Variants in SGCZ observed in about 807,000 individuals in gnomAD.
SGCZ encodes the protein zeta-sarcoglycan.
Under a neutral mutation model 41.3 loss-of-function variants are expected in SGCZ, and 40 were observed. The ratio of observed to expected loss-of-function variants is 0.97; its 90% CI spans 0.75 to 1.26. The LOEUF is 1.26. Among genes scored for constraint, SGCZ ranks in the 50% most tolerant of loss-of-function variants. SGCZ has a pLI of 0.00. For missense variants in SGCZ, 552 were observed against 369.8 expected, an observed-to-expected ratio of 1.49 and a Z score of -4.04; for synonymous variants, 206 against 137.5, an observed-to-expected ratio of 1.50 and a Z score of -3.49.
chr8:15,133,005 TG>T (rs1807968199), intron 1 of SGCZ, among the ~76,000 whole-genome samples: 1 of 152,076 alleles, frequency 6.6e-6, no homozygotes, highest in South Asian at 2.1e-4. Flanking sequence ...TAGCCAGGCA[TG>T]GTGGCGTGGG....
intron 2 of SGCZ, among the ~76,000 whole-genome samples, chr8:14,355,139 A>G (rs572576663): frequency 1.3e-5 from 2 of 152,108 alleles, no homozygotes; most frequent in African/African-American, 4.8e-5. Context: ...TTCAATCTTT[A>G]TTACACATTT....
At chr8:14,960,807 A>C (rs1255754612) in intron 1 of SGCZ, among the ~76,000 whole-genome samples, 3 of 151,818 alleles carry the variant, frequency 2.0e-5, no homozygotes, top group African/African-American at 4.8e-5. Context: ...GAAATCACTG[A>C]TTTTTTTTAC....
intron 1 of SGCZ, among the ~76,000 whole-genome samples, chr8:14,993,330 A>C (rs1278364231): frequency 6.6e-6 from 1 of 152,100 alleles, no homozygotes; most frequent in Non-Finnish European, 1.5e-5. Flanking sequence ...TTTATTAAGC[A>C]TCTAGGATGT....
intron 1 of SGCZ, among the ~76,000 whole-genome samples, chr8:14,842,818 T>G (rs1276813684): frequency 1.3e-5 from 2 of 152,210 alleles, no homozygotes; most frequent in African/African-American, 4.8e-5. Context: ...GAGGCTATTA[T>G]AGCTGTTAAA....
At chr8:14,171,254 A>G (rs923558187) in intron 4 of SGCZ, among the ~76,000 whole-genome samples, 1 of 149,574 alleles carries the variant, frequency 6.7e-6, no homozygotes, top group African/African-American at 2.5e-5. Flanking sequence ...GTAGTTTTGC[A>G]TAAGTTGTTC....
At chr8:14,530,924 A>G (rs1189064499) in intron 2 of SGCZ, among the ~76,000 whole-genome samples, 1 of 152,092 alleles carries the variant, frequency 6.6e-6, no homozygotes, top group African/African-American at 2.4e-5. Context: ...GTGAGGCTCT[A>G]CTACAGGTAC....
chr8:15,056,626 A>C (rs1250736051), intron 1 of SGCZ, among the ~76,000 whole-genome samples: 2 of 151,938 alleles, frequency 1.3e-5, no homozygotes, highest in African/African-American at 4.8e-5. Flanking sequence ...CTGTATTTTA[A>C]TCTAAATGTT....
chr8:15,016,500 A>C (rs1038259941), intron 1 of SGCZ, among the ~76,000 whole-genome samples: 1 of 152,154 alleles, frequency 6.6e-6, no homozygotes, highest in African/African-American at 2.4e-5. Flanking sequence ...AAGAGACACA[A>C]AGAAAGAATA....
intron 1 of SGCZ, among the ~76,000 whole-genome samples, chr8:14,661,356 A>C (rs1293146390): frequency 1.3e-5 from 2 of 152,166 alleles, no homozygotes; most frequent in Non-Finnish European, 2.9e-5. Flanking sequence ...ATGGCCTAGA[A>C]AATATGAAAA....
chr8:15,191,563 C>T (rs1349030606), intron 1 of SGCZ, among the ~76,000 whole-genome samples: 1 of 151,466 alleles, frequency 6.6e-6, no homozygotes, highest in East Asian at 1.9e-4. Flanking sequence ...CATATCTCCA[C>T]TAATTCATCA....
At chr8:14,291,697 T>A (rs1015475768) in intron 3 of SGCZ, among the ~76,000 whole-genome samples, 1 of 152,018 alleles carries the variant, frequency 6.6e-6, no homozygotes, top group Non-Finnish European at 1.5e-5. Flanking sequence ...ATATATGTAT[T>A]CTTTTACTTT....
Position 15,203,900 on chromosome 8 carries a change from T to C in SGCZ, c.39+33685A>G, listed in dbSNP as rs1309125491. Among the ~76,000 whole-genome samples, 8 of 152,358 alleles carry C rather than the reference T, an allele frequency of 5.3e-5. No individual in the cohort carries two copies. The East Asian group carries it at 1.2e-3, about 22-fold the overall frequency. ...AAATGGATTCATTTATTCTACTTTA[T>C]GTGTTATATAGCTTTTGCCTCAAAA... On this transcript the variant is annotated intron_variant, in intron 1 of 7. Coordinates refer to ENST00000382080, the MANE Select transcript of SGCZ (RefSeq NM_139167.4).
chr8:14,650,673 T>G (rs1026698255), intron 1 of SGCZ, among the ~76,000 whole-genome samples: 1 of 152,024 alleles, frequency 6.6e-6, no homozygotes, highest in Admixed American at 6.6e-5. Flanking sequence ...TGAGAGTGAT[T>G]AGTAAAACTA....
chr8:14,470,165 C>A (rs563983285), intron 2 of SGCZ, among the ~76,000 whole-genome samples: 13 of 152,010 alleles, frequency 8.6e-5, no homozygotes, highest in East Asian at 3.9e-4. Context: ...AACTGGTGTC[C>A]ACTACTTTAT....
chr8:14,680,140 G>C (rs1808396443), intron 1 of SGCZ, among the ~76,000 whole-genome samples: 1 of 152,026 alleles, frequency 6.6e-6, no homozygotes, highest in Non-Finnish European at 1.5e-5. Flanking sequence ...TGATATTCTG[G>C]AAAGTGCAAC....
In SGCZ at chr8:14,130,690, C is replaced by G. The variant is rs535270605; in HGVS notation, c.548-22455G>C. Among the ~76,000 whole-genome samples the G allele has an allele frequency of 2.4e-4, 37 of 152,244 alleles. No individual in the cohort carries two copies. In the South Asian group the frequency reaches 4.1e-3, roughly 17 times the overall value. On this transcript the variant is annotated intron_variant, in intron 5 of 7. Coordinates refer to ENST00000382080, the MANE Select transcript of SGCZ (RefSeq NM_139167.4). The stretch of plus-strand genomic sequence containing the variant: ...AAATCATTTATTTTCTAACGAAAAA[C>G]AGCTTGAAAAATCAAGCTGCAGACA...
At chr8:14,771,515 G>C (rs943822458) in intron 1 of SGCZ, among the ~76,000 whole-genome samples, 1 of 151,918 alleles carries the variant, frequency 6.6e-6, no homozygotes, top group African/African-American at 2.4e-5. Context: ...ATATCACATT[G>C]ACTATGTCAA....
chr8:14,986,476 C>A (rs1013934855), intron 1 of SGCZ, among the ~76,000 whole-genome samples: 1 of 151,986 alleles, frequency 6.6e-6, no homozygotes, highest in Non-Finnish European at 1.5e-5. Flanking sequence ...TTTCAAATCC[C>A]CAGCAGTAAT....
At chr8:14,409,304 G>C (rs991662768) in intron 2 of SGCZ, among the ~76,000 whole-genome samples, 4 of 151,942 alleles carry the variant, frequency 2.6e-5, no homozygotes, top group African/African-American at 9.7e-5. Context: ...TGTATGTATA[G>C]GAGGGGGCCT....
Sources: gnomAD v4.1 joint callset for allele counts (sites outside exome capture counted in the v4.1 genomes callset) on GRCh38, gnomAD v4.1.1 for gene constraint, MANE v1.5 for transcripts, NCBI Gene and HGNC (gene_info 2026-07-23, HGNC 2026-07-21) for gene names.